Variants in KDM5B observed in about 807,000 individuals in gnomAD.
KDM5B encodes lysine demethylase 5B.
Under a neutral mutation model 193.4 loss-of-function variants are expected in KDM5B, and 144 were observed. That is an observed-to-expected ratio of 0.74 (90% CI 0.65 to 0.86). The LOEUF is 0.86. KDM5B is among the 40% of genes least tolerant of loss of function. The pLI is 0.00. For missense variants in KDM5B, 1,833 were observed against 1,886.9 expected, an observed-to-expected ratio of 0.97 and a Z score of 0.53; for synonymous variants, 668 against 682.6, an observed-to-expected ratio of 0.98 and a Z score of 0.33.
chr1:202,759,404 G>A (rs1284154734), intron 8 of KDM5B, among the ~76,000 whole-genome samples: 1 of 152,086 alleles, frequency 6.6e-6, no homozygotes, highest in African/African-American at 2.4e-5. Context: ...AGCTGGGCAT[G>A]GTGGTGCAAG....
intron 22 of KDM5B, 73 bp downstream of exon 22, chr1:202,735,356 C>G: frequency 6.7e-7 from 1 of 1,485,838 alleles, no homozygotes. Flanking sequence ...TCTCCAAATT[C>G]CTATAAAACA....
chr1:202,746,116 G>GAA (rs3216061), intron 15 of KDM5B, 26 bp downstream of exon 15: 356 of 1,556,304 alleles, frequency 2.3e-4, no homozygotes, highest in Admixed American at 4.3e-4. Context: ...TTTTCCATAG[G>GAA]AAAAAAAATC....
intron 25 of KDM5B, 35 bp from the exon 26 acceptor site, chr1:202,730,062 A>G (rs1314191295): frequency 6.5e-7 from 1 of 1,535,968 alleles, no homozygotes; most frequent in South Asian, 1.2e-5. Context: ...ATTTTCGCCT[A>G]TGGGTCACCT....
In KDM5B at chr1:202,738,760, C is replaced by T. The variant is rs150992814; in HGVS notation, c.3084+1914G>A. ...TGATAAGAGATAAGGGAAGACATCC[C>T]CCATCAAACACGTTTCAAATTAAGT... is the stretch of plus-strand genomic sequence containing the variant. On this transcript the variant is annotated intron_variant, in intron 20 of 26. Coordinates refer to ENST00000367265, the MANE Select transcript of KDM5B (RefSeq NM_006618.5). Among the ~76,000 whole-genome samples, 43 of 152,218 alleles carry T rather than the reference C, an allele frequency of 2.8e-4. No individual in the cohort carries two copies. The East Asian group carries it at 5.8e-3, about 21-fold the overall frequency.
Position 202,756,410 on chromosome 1 carries a change from C to T in KDM5B, c.1304G>A (p.Gly435Asp). The stretch of plus-strand genomic sequence containing the variant: ...CCCATCTCGGACAGGAAAGCCACTG[C>T]CAAATTCCTTTGAGGCAATGTCAGC... ...YGADIASKEFGSGFPVRDGKI... is the reference protein window; with the variant it reads ...YGADIASKEFDSGFPVRDGKI... Residue 435 changes from glycine (G) to aspartate (D), a missense_variant, in exon 10 of 27, where the codon GGC (glycine) becomes GAC (aspartate). Gly to Asp is a moderately conservative substitution (Grantham distance 94). Around this residue, in one of 3 missense-constraint regions of KDM5B, gnomAD observed 1,379 missense variants for 1,349.6 expected, o/e 1.02. Coordinates refer to ENST00000367265, the MANE Select transcript of KDM5B (RefSeq NM_006618.5). 6.2e-7 allele frequency: 1 copy of T among 1,613,558 alleles called. No homozygotes were observed. Among genetic ancestry groups the T allele is most frequent in the Non-Finnish European group, 8.5e-7 (1 of 1,179,716 alleles).
chr1:202,796,295 G>A, intron 1 of KDM5B: 1 of 416,004 alleles, frequency 2.4e-6, no homozygotes, highest in Admixed American at 2.7e-5. Flanking sequence ...GGTCCCCGCT[G>A]TGCCACCTGG....
At chr1:202,753,276 T>A (rs958432326) in intron 11 of KDM5B, among the ~76,000 whole-genome samples, 3 of 152,046 alleles carry the variant, frequency 2.0e-5, no homozygotes, top group Non-Finnish European at 4.4e-5. Flanking sequence ...GGCGGGTAGA[T>A]CACGAGGTCA....
intron 6 of KDM5B, among the ~76,000 whole-genome samples, chr1:202,763,454 T>C (rs1656330136): frequency 6.6e-6 from 1 of 152,274 alleles, no homozygotes; most frequent in Admixed American, 6.5e-5. Context: ...TATTACTTTA[T>C]ATTGTATCTC....
At chr1:202,732,237 CTT>C (rs1344247342) in intron 23 of KDM5B, 4 of 295,214 alleles carry the variant, frequency 1.4e-5, no homozygotes, top group Non-Finnish European at 2.5e-5. Context: ...ATCATACAGC[CTT>C]TTAATCCTTT....
At chr1:202,781,117 A>G (rs1657180268) in intron 1 of KDM5B, among the ~76,000 whole-genome samples, 1 of 152,092 alleles carries the variant, frequency 6.6e-6, no homozygotes, top group Admixed American at 6.6e-5. Flanking sequence ...GCAGTTTGAG[A>G]CCAGTCTCTA....
At chr1:202,749,220 T>A in intron 13 of KDM5B, 81 bp from the exon 14 acceptor site, 3 of 1,249,298 alleles carry the variant, frequency 2.4e-6, no homozygotes, top group Non-Finnish European at 3.3e-6. Context: ...ATTATCAAAT[T>A]ACCAAACATC....
intron 11 of KDM5B, among the ~76,000 whole-genome samples, chr1:202,754,576 T>C (rs1655935128): frequency 6.6e-6 from 1 of 152,248 alleles, no homozygotes; most frequent in Non-Finnish European, 1.5e-5. Context: ...TGGTACCTAC[T>C]ATAATTCACG....
rs1655843543 is a variant in KDM5B at position 202,752,796 on chromosome 1, T to C, written c.1701+109A>G. ...AACAGCTGTTTCTGCTATCAAGTCA[T>C]GCTATGGAAAACACAGAACTAAATC... On this transcript the variant is annotated intron_variant, in intron 12 of 26. Coordinates refer to ENST00000367265, the MANE Select transcript of KDM5B (RefSeq NM_006618.5). 1.4e-5 allele frequency: 15 copies of C among 1,036,864 alleles called. No homozygotes were observed. In the South Asian group the frequency reaches 1.9e-4, roughly 13 times the overall value. 64.2% of individuals were successfully genotyped at this position (1,036,864 alleles called of 1,614,324 possible). A position where few individuals can be genotyped will look rare whatever the true frequency, so the allele number is the denominator to read the frequency against.
chr1:202,731,049 C>G lies in KDM5B; in HGVS notation c.4036G>C (p.Val1346Leu). Residue 1346 changes from valine (V) to leucine (L), a missense_variant, in exon 25 of 27, where the codon GTG becomes CTG. Around this residue, in one of 3 missense-constraint regions of KDM5B, gnomAD observed 1,379 missense variants for 1,349.6 expected, o/e 1.02. Transcript: ENST00000367265. Reference protein sequence around the residue: ...CIPLHGVSPEVNELLMEAQLL... With the variant: ...CIPLHGVSPELNELLMEAQLL... ...TGGGCTTCCATCAATAGTTCATTCA[C>G]TTCTGGACTAACACCTGTAAAAGAC... 6.2e-7 allele frequency: 1 copy of G among 1,608,412 alleles called. No individual in the cohort carries two copies. Among genetic ancestry groups the G allele is most frequent in the South Asian group, 1.1e-5 (1 of 90,426 alleles).
At chr1:202,740,855 G>T (rs765661316) in intron 19 of KDM5B, 43 bp from the exon 20 acceptor site, 81 of 1,551,846 alleles carry the variant, frequency 5.2e-5, no homozygotes, top group Non-Finnish European at 6.7e-5. Flanking sequence ...TTATATGATG[G>T]TTCATTTTTC....
Position 202,762,773 on chromosome 1 carries a change from T to C in KDM5B, c.844A>G (p.Ile282Val), listed in dbSNP as rs762342565. 2 of 1,611,436 alleles carry C rather than the reference T, an allele frequency of 1.2e-6. No individual in the cohort carries two copies. Among genetic ancestry groups the C allele is most frequent in the East Asian group, 2.2e-5 (1 of 44,834 alleles). ...EMKSSIKQEPIERKDYIVENE... is the reference protein window; with the variant it reads ...EMKSSIKQEPVERKDYIVENE... ...TCTACAATATAATCTTTCCTCTCAA[T>C]AGGTTCTTGCTTGATGCTACTCTTC... The change falls in exon 7 of 27, where the codon ATT becomes GTT. Residue 282 changes from isoleucine (I) to valine (V), a missense_variant. Transcript: ENST00000367265.
intron 1 of KDM5B, among the ~76,000 whole-genome samples, chr1:202,777,890 C>T (rs1251461583): frequency 6.6e-6 from 1 of 152,014 alleles, no homozygotes; most frequent in East Asian, 1.9e-4. Context: ...TAAAAGTCAT[C>T]CTTGGCCGGG....
intron 22 of KDM5B, among the ~76,000 whole-genome samples, chr1:202,734,340 C>T (rs1211098286): frequency 8.5e-6 from 1 of 117,880 alleles, no homozygotes; most frequent in Non-Finnish European, 1.8e-5. Context: ...AGGTAAAGAC[C>T]TTTGGGTATA....
At position 202,773,204 on chromosome 1, in the gene KDM5B, C is replaced by A; in HGVS notation, c.490G>T (p.Gly164Cys). ...CTGATATGTGAGCCCACTGCTTTGC[C>A]AGGAGCAAACCCCATCTTGGTAGCA... Reference protein sequence around the residue: ...KIATKMGFAPGKAVGSHIRGH... With the variant: ...KIATKMGFAPCKAVGSHIRGH... The change falls in exon 4 of 27, where the codon GGC becomes TGC. Residue 164 changes from glycine (G) to cysteine (C), a missense_variant. Physicochemically the swap from Gly to Cys is radical, Grantham distance 159 (BLOSUM62 -3). Transcript: ENST00000367265. The A allele has an allele frequency of 6.2e-7, 1 of 1,613,956 alleles. No homozygotes were observed. The highest frequency in any genetic ancestry group is 8.5e-7 in the Non-Finnish European group (1 of 1,179,830).
Sources: allele counts gnomAD v4.1 joint callset (sites outside exome capture counted in the v4.1 genomes callset), GRCh38; gene constraint gnomAD v4.1.1; regional missense constraint gnomAD v4.1.1; transcripts MANE v1.5; gene names NCBI Gene and HGNC (gene_info 2026-07-23, HGNC 2026-07-21).